MYH8: variants seen among roughly 807,000 people sequenced by gnomAD.
MYH8 encodes myosin-8.
In MYH8, 168 loss-of-function variants were observed where a neutral mutation model predicts 233.2. That is an observed-to-expected ratio of 0.72 (90% CI 0.64 to 0.82). MYH8 has a LOEUF of 0.82. MYH8 is among the 40% of genes least tolerant of loss of function. The probability of loss-of-function intolerance (pLI) is 0.00; values close to 1 mark genes in which losing one functional copy is unlikely to be tolerated. For synonymous variants in MYH8, 785 were observed against 850.6 expected, an observed-to-expected ratio of 0.92 and a Z score of 1.34; for missense variants, 1,995 against 2,327.8, an observed-to-expected ratio of 0.86 and a Z score of 2.94.
At chr17:10,394,808 A>G (rs2072064435) in intron 34 of MYH8, among the ~76,000 whole-genome samples, 1 of 152,188 alleles carries the variant, frequency 6.6e-6, no homozygotes, top group Non-Finnish European at 1.5e-5. Flanking sequence ...TGAAGAAGGA[A>G]CAGAGGTTCT....
rs146955594 is a variant in MYH8, at chr17:10,400,985, T to C, written c.3255-26A>G. On this transcript the variant is annotated intron_variant, in intron 25 of 39. Transcript: ENST00000403437. This position sits in a 1 kb window ranked among gnomAD's most constrained non-coding sequence, Gnocchi z 4.0. ...CTTTAGACAGAAGAGCAAGACGTAT[T>C]AATACTCATGTGAATTGAAAGATGA... 4.2e-4 allele frequency: 683 copies of C among 1,613,542 alleles called. 4 individuals are homozygous for C. The African/African-American group carries it at 8.2e-3, about 19-fold the overall frequency.
chr17:10,413,955 A>T lies in MYH8; in HGVS notation c.1094T>A (p.Met365Lys). The T allele has an allele frequency of 6.2e-7, 1 of 1,613,944 alleles. No individual in the cohort carries two copies. ...CTCACGCTGCTTTTGCTTGAATTTC[A>T]TGTTCCCATAATGCATCACAGCCCC... The part of the protein sequence containing the change: ...LTGAVMHYGN[M>K]KFKQKQREEQ... Residue 365 changes from methionine (M) to lysine (K), a missense_variant, in exon 12 of 40, where the codon ATG (methionine) becomes AAG (lysine). Coordinates refer to ENST00000403437, the MANE Select transcript of MYH8 (RefSeq NM_002472.3).
rs542389644 is a variant in MYH8 at position 10,419,248 on chromosome 17, G to A, written c.211-218C>T. 3.5e-3 allele frequency among the ~76,000 whole-genome samples: 527 copies of A among 152,262 alleles called. 4 individuals carry two copies. The highest frequency in any genetic ancestry group is 0.012 in the African/African-American group (480 of 41,550). ...AATTTTTGTATTTTTAGTAGAGACA[G>A]GATTTCGCCATGTTGGCCAGGCTGG... On this transcript the variant is annotated intron_variant, in intron 3 of 39. Coordinates refer to ENST00000403437, the MANE Select transcript of MYH8 (RefSeq NM_002472.3). This position sits in a 1 kb window ranked among gnomAD's most constrained non-coding sequence, Gnocchi z 4.0.
chr17:10,394,184 T>C (rs1381587185), intron 35 of MYH8, 65 bp downstream of exon 35: 36 of 1,598,748 alleles, frequency 2.3e-5, no homozygotes, highest in African/African-American at 2.7e-5. Context: ...TTGAGTACTT[T>C]CATGTTATAA....
At chr17:10,416,587 A>G (rs1294023183) in intron 5 of MYH8, among the ~76,000 whole-genome samples, 1 of 152,172 alleles carries the variant, frequency 6.6e-6, no homozygotes, top group African/African-American at 2.4e-5. Context: ...CAAGAGTTCT[A>G]ATTTCTCCAG....
At position 10,392,581 on chromosome 17, in the gene MYH8, T is replaced by C. The variant is rs754781651; in HGVS notation, c.5529A>G (p.Leu1843=). The stretch of plus-strand genomic sequence containing the variant: ...CTTTTACTCGTCGCTCATGTTTCCG[T>C]AAACCTTTAACAGCCTCTGCATTAC... ...QKRNAEAVKG[L]RKHERRVKEL... Residue 1843 remains leucine, a synonymous_variant, in exon 38 of 40, where the codon TTA becomes TTG. Transcript: ENST00000403437. 4 of 1,614,214 alleles carry C rather than the reference T, an allele frequency of 2.5e-6. No homozygotes were observed. In the Admixed American group the frequency reaches 6.7e-5, roughly 27 times the overall value.
rs748769960 is a variant in MYH8, at chr17:10,391,878, T to C, written c.5664+4A>G. Reference sequence around the variant, plus strand: ...TCTTTCCTCAAGGGCTTAAAGATACTTACAGCCTCCTCAGCTTGTCTCTTG... The same window carrying C: ...TCTTTCCTCAAGGGCTTAAAGATACCTACAGCCTCCTCAGCTTGTCTCTTG... On this transcript the variant is annotated splice_donor_region_variant and intron_variant, in intron 39 of 39. Transcript: ENST00000403437. 3.7e-6 allele frequency: 6 copies of C among 1,612,336 alleles called. No homozygotes were observed. The highest frequency in any genetic ancestry group is 1.3e-5 in the African/African-American group (1 of 75,022).
At chr17:10,416,217 T>TG (rs2072288966) in intron 5 of MYH8, among the ~76,000 whole-genome samples, 1 of 152,228 alleles carries the variant, frequency 6.6e-6, no homozygotes, top group Admixed American at 6.5e-5. Flanking sequence ...TTTGTCTTTT[T>TG]TGTGACTGGC....
chr17:10,392,838 T>G lies in MYH8; in HGVS notation c.5456A>C (p.Glu1819Ala). 1 of 1,614,142 alleles carries G rather than the reference T, an allele frequency of 6.2e-7. No homozygotes were observed. Residue 1819 changes from glutamate (E) to alanine (A), a missense_variant, in exon 37 of 40, where the codon GAG (glutamate) becomes GCG (alanine). Glu to Ala is a moderately radical substitution (Grantham distance 107). Around this residue, in one of 3 missense-constraint regions of MYH8, gnomAD observed 1,498 missense variants for 1,680.9 expected, o/e 0.89. Transcript: ENST00000403437. ...KGGKKQIQKL[E>A]ARVRELEGEV... ...AGAGATTGAGACACCCACCCTGGCCTCCAGTTTCTGGATCTGCTTCTTCCC... is the reference window on the plus strand; with the variant it reads ...AGAGATTGAGACACCCACCCTGGCCGCCAGTTTCTGGATCTGCTTCTTCCC...
intron 15 of MYH8, among the ~76,000 whole-genome samples, chr17:10,410,021 A>G (rs990068447): frequency 2.0e-5 from 3 of 152,240 alleles, no homozygotes; most frequent in Non-Finnish European, 4.4e-5. Context: ...AATAGATTAT[A>G]GGCTGAGCAC....
chr17:10,414,084 T>C, intron 11 of MYH8, 44 bp from the exon 12 acceptor site: 2 of 1,613,200 alleles, frequency 1.2e-6, no homozygotes, highest in Non-Finnish European at 1.7e-6. Flanking sequence ...CTGAAGAGAC[T>C]AACTTATAAG....
intron 14 of MYH8, among the ~76,000 whole-genome samples, chr17:10,411,709 G>A (rs555411782): frequency 1.1e-4 from 16 of 152,248 alleles, no homozygotes; most frequent in African/African-American, 3.6e-4. Context: ...AAAGGTCTTG[G>A]TGTATAAAGT....
chr17:10,416,653 G>A (rs545517144), intron 5 of MYH8, among the ~76,000 whole-genome samples: 1 of 152,136 alleles, frequency 6.6e-6, no homozygotes, highest in Non-Finnish European at 1.5e-5. Flanking sequence ...CCTAACGAGT[G>A]TAAGGTACAT....
At position 10,420,193 on chromosome 17, in the gene MYH8, A is replaced by G. The variant is rs767784027; in HGVS notation, c.35T>C (p.Phe12Ser). 3 of 1,613,806 alleles carry G rather than the reference A, an allele frequency of 1.9e-6. No homozygotes were observed. In the South Asian group the frequency reaches 3.3e-5, roughly 18 times the overall value. Residue 12 changes from phenylalanine to serine, a missense_variant, in exon 3 of 40, where the codon TTT becomes TCT. Physicochemically the swap from Phe to Ser is radical, Grantham distance 155 (BLOSUM62 -2). Coordinates refer to ENST00000403437, the MANE Select transcript of MYH8 (RefSeq NM_002472.3). ...TCGAAGGTAGGGAGCAGCTTCGCCA[A>G]AAACAGCCATCTCAGCGTCTGAGCT... is the stretch of plus-strand genomic sequence containing the variant. ...SASSDAEMAV[F>S]GEAAPYLRKS... is the part of the protein sequence containing the mutation.
chr17:10,414,833 T>C (rs1372935912), intron 9 of MYH8, among the ~76,000 whole-genome samples: 2 of 151,926 alleles, frequency 1.3e-5, no homozygotes, highest in Non-Finnish European at 2.9e-5. Context: ...ACCACAGAGA[T>C]GTATTGGAAA....
intron 21 of MYH8, among the ~76,000 whole-genome samples, chr17:10,405,150 C>A (rs1353524020): frequency 6.6e-6 from 1 of 152,172 alleles, no homozygotes; most frequent in Non-Finnish European, 1.5e-5. Context: ...TTGCTAGCTT[C>A]TTCAGATAAT....
chr17:10,401,809 C>CA, intron 22 of MYH8, 24 bp from the exon 23 acceptor site: 1 of 1,614,078 alleles, frequency 6.2e-7, no homozygotes. Context: ...CATTCAGATA[C>CA]TTAGAGTCTG....
chr17:10,393,168 C>T lies in MYH8; in HGVS notation c.5209G>A (p.Val1737Ile), dbSNP rs775814737. 6.2e-6 allele frequency: 10 copies of T among 1,614,000 alleles called. No homozygotes were observed. In the South Asian group the frequency reaches 6.6e-5, roughly 11 times the overall value. The change falls in exon 36 of 40, where the codon GTT becomes ATT. Residue 1737 changes from valine to isoleucine, a missense_variant. Val to Ile is a conservative substitution (Grantham distance 29). This residue lies in a region of MYH8 where 1,498 missense variants were observed against 1,680.9 expected (regional missense o/e 0.89). Transcript: ENST00000403437. ...INTKKKLEND[V>I]SQLQSEVEEV... ...TCCACTTCACTTTGGAGTTGGGAAACGTCATTTTCTAATTTCTTCTTGGTG... is the reference window on the plus strand; with the variant it reads ...TCCACTTCACTTTGGAGTTGGGAAATGTCATTTTCTAATTTCTTCTTGGTG...
At position 10,397,859 on chromosome 17, in the gene MYH8, G is replaced by A. The variant is rs138113666; in HGVS notation, c.4178+585C>T. ...GGAAAGAAACTGATACATAAATCAG[G>A]ACAATTCGTGCAGTTTAAACAAAGG... is the stretch of plus-strand genomic sequence containing the variant. On this transcript the variant is annotated intron_variant, in intron 30 of 39. Transcript: ENST00000403437. 1.1e-4 allele frequency among the ~76,000 whole-genome samples: 17 copies of A among 152,202 alleles called. No individual in the cohort carries two copies. In the East Asian group the frequency reaches 3.3e-3, roughly 29 times the overall value.
Sources: gnomAD v4.1 joint callset for allele counts (sites outside exome capture counted in the v4.1 genomes callset) on GRCh38, gnomAD v4.1.1 for gene constraint, gnomAD v4.1.1 regional missense constraint, Gnocchi (gnomAD v3.1) non-coding constraint, MANE v1.5 for transcripts, NCBI Gene and HGNC (gene_info 2026-07-23, HGNC 2026-07-21) for gene names.